Variants in AMBRA1 observed in about 807,000 individuals in gnomAD.
AMBRA1 encodes the protein autophagy and beclin 1 regulator 1, also known as activating molecule in BECN1-regulated autophagy protein 1.
AMBRA1 carries 47 observed loss-of-function variants against 125.4 expected under a neutral mutation model. The ratio of observed to expected loss-of-function variants is 0.37; its 90% CI spans 0.30 to 0.48. The LOEUF (loss-of-function observed/expected upper bound fraction) is 0.48, where lower values mean the gene tolerates loss of function less well. Ranked by LOEUF, AMBRA1 falls within the 20% of genes least tolerant of loss-of-function variation. The probability of loss-of-function intolerance (pLI) is 0.99; values close to 1 mark genes in which losing one functional copy is unlikely to be tolerated. For missense variants in AMBRA1, 1,331 were observed against 1,693.4 expected, an observed-to-expected ratio of 0.79 and a Z score of 3.76; for synonymous variants, 626 against 655.5, an observed-to-expected ratio of 0.95 and a Z score of 0.69.
chr11:46,440,477 G>T (rs1158675377), intron 12 of AMBRA1, among the ~76,000 whole-genome samples: 1 of 152,096 alleles, frequency 6.6e-6, no homozygotes, highest in Non-Finnish European at 1.5e-5. Context: ...GTAGGATTTG[G>T]GGGCTTCTTA....
chr11:46,474,531 G>A (rs1949734071), intron 11 of AMBRA1, among the ~76,000 whole-genome samples: 1 of 152,180 alleles, frequency 6.6e-6, no homozygotes, highest in Admixed American at 6.5e-5. Context: ...TGGGACTACA[G>A]GCACGTGACA....
In AMBRA1 at chr11:46,443,373, A is replaced by G. The variant is rs554843895; in HGVS notation, c.2632+115T>C. ...CAGAAGAGGTGCAGAAATGGCATGT[A>G]GATAACAACTGCTCAATAGGATGAT... is the stretch of plus-strand genomic sequence containing the variant. On this transcript the variant is annotated intron_variant, in intron 12 of 17. Transcript: ENST00000683756. 51 of 749,614 alleles carry G rather than the reference A, an allele frequency of 6.8e-5. No homozygotes were observed. In the African/African-American group the frequency reaches 7.3e-4, roughly 11 times the overall value. 46.4% of individuals were successfully genotyped at this position (749,614 alleles called of 1,614,324 possible).
Position 46,428,888 on chromosome 11 carries a change from T to C in AMBRA1, c.2976+4586A>G, listed in dbSNP as rs537872238. The C allele has an allele frequency of 1.2e-5, 19 of 1,611,790 alleles. No individual in the cohort carries two copies. The South Asian group carries it at 2.1e-4, about 18-fold the overall frequency. On this transcript the variant is annotated intron_variant, in intron 14 of 17. Transcript: ENST00000683756. ...ACGGCGTAGGATGGCAGGCACAATC[T>C]CTGGGGGCAGATGAAGGTAATCACG...
chr11:46,460,583 A>G (rs535630422), intron 11 of AMBRA1, among the ~76,000 whole-genome samples: 60 of 152,316 alleles, frequency 3.9e-4, no homozygotes, highest in African/African-American at 1.3e-3. Flanking sequence ...TCAGCCTCCC[A>G]AAGTGCTGGC....
intron 7 of AMBRA1, among the ~76,000 whole-genome samples, chr11:46,528,097 T>C (rs1952056629): frequency 6.6e-6 from 1 of 152,242 alleles, no homozygotes; most frequent in Non-Finnish European, 1.5e-5. Flanking sequence ...AAATGTGGTA[T>C]ATACATAGAA....
rs1946615942 is a variant in AMBRA1 at position 46,417,895 on chromosome 11, A to C, written c.3116+18T>G. Reference sequence around the variant, plus strand: ...CGGCCCCAGTGATCCCTCAACCCCCACACTTTAAGCCACTTACTCTGGTCG... The same window carrying C: ...CGGCCCCAGTGATCCCTCAACCCCCCCACTTTAAGCCACTTACTCTGGTCG... On this transcript the variant is annotated intron_variant, in intron 15 of 17. Coordinates refer to ENST00000683756, the MANE Select transcript of AMBRA1 (RefSeq NM_001387011.1). 1.3e-6 allele frequency: 2 copies of C among 1,593,574 alleles called. No homozygotes were observed. Among genetic ancestry groups the C allele is most frequent in the African/African-American group, 2.7e-5 (2 of 74,632 alleles).
chr11:46,444,444 C>T (rs1948176431), intron 11 of AMBRA1, among the ~76,000 whole-genome samples: 1 of 152,158 alleles, frequency 6.6e-6, no homozygotes, highest in Non-Finnish European at 1.5e-5. Flanking sequence ...TTTACATGAA[C>T]ATGTCATTTC....
intron 7 of AMBRA1, among the ~76,000 whole-genome samples, chr11:46,518,924 T>A (rs1951638309): frequency 6.6e-6 from 1 of 152,162 alleles, no homozygotes; most frequent in Non-Finnish European, 1.5e-5. Flanking sequence ...GTATTCTTGA[T>A]CACTAGGAAT....
intron 7 of AMBRA1, among the ~76,000 whole-genome samples, chr11:46,513,261 C>CTTTTTT: frequency 1.4e-5 from 2 of 142,976 alleles, no homozygotes; most frequent in African/African-American, 5.5e-5. Flanking sequence ...TGCCTACGCT[C>CTTTTTT]TTTTTTCTTT....
At chr11:46,467,579 C>T (rs1328276442) in intron 11 of AMBRA1, among the ~76,000 whole-genome samples, 4 of 144,452 alleles carry the variant, frequency 2.8e-5, no homozygotes, top group Admixed American at 7.0e-5. Context: ...GATGGAGTCT[C>T]ACTCTGTTGC....
At chr11:46,446,616 C>T (rs989815823) in intron 11 of AMBRA1, among the ~76,000 whole-genome samples, 1 of 152,156 alleles carries the variant, frequency 6.6e-6, no homozygotes, top group Non-Finnish European at 1.5e-5. Context: ...TTGTGCATCG[C>T]AGAACATTTA....
chr11:46,537,536 C>T (rs1952536059), intron 7 of AMBRA1, among the ~76,000 whole-genome samples: 1 of 152,118 alleles, frequency 6.6e-6, no homozygotes, highest in Admixed American at 6.6e-5. Context: ...GCCACAATAC[C>T]CTGATCTTCT....
At chr11:46,532,655 T>G (rs1304192968) in intron 7 of AMBRA1, among the ~76,000 whole-genome samples, 1 of 152,222 alleles carries the variant, frequency 6.6e-6, no homozygotes, top group Non-Finnish European at 1.5e-5. Context: ...CAGGCTGGTC[T>G]CAAACTCCTG....
chr11:46,530,235 C>A (rs916678090), intron 7 of AMBRA1, among the ~76,000 whole-genome samples: 18 of 152,194 alleles, frequency 1.2e-4, no homozygotes, highest in African/African-American at 2.4e-5. Context: ...CCAGAGCTGA[C>A]AGAAGCGATT....
At chr11:46,479,333 C>T (rs1949963017) in intron 11 of AMBRA1, among the ~76,000 whole-genome samples, 1 of 152,128 alleles carries the variant, frequency 6.6e-6, no homozygotes, top group African/African-American at 2.4e-5. Context: ...GTATCCATGG[C>T]CTTAGAGAGT....
chr11:46,429,198 G>A lies in AMBRA1; in HGVS notation c.2976+4276C>T, dbSNP rs7946071. ...TGGCTTCATCCTCCCCCTCTCCCTC[G>A]GACAATCTTCGCCTACCAGCGGCCC... is the stretch of plus-strand genomic sequence containing the variant. On this transcript the variant is annotated intron_variant, in intron 14 of 17. Coordinates refer to ENST00000683756, the MANE Select transcript of AMBRA1 (RefSeq NM_001387011.1). 3.7e-3 allele frequency: 5,463 copies of A among 1,458,422 alleles called. 192 individuals are homozygous for A. In the African/African-American group the frequency reaches 0.068, roughly 18 times the overall value. The allele number at this position is 1,458,422 out of a possible 1,614,324, so 90.3% of individuals were successfully genotyped here. A position where few individuals can be genotyped will look rare whatever the true frequency, so the allele number is the denominator to read the frequency against.
chr11:46,435,935 G>A (rs1947693987), intron 12 of AMBRA1, among the ~76,000 whole-genome samples: 1 of 152,220 alleles, frequency 6.6e-6, no homozygotes, highest in Admixed American at 6.5e-5. Flanking sequence ...TCCCTGCCAG[G>A]AAGAAGTGGC....
rs71038902 is a variant in AMBRA1, at chr11:46,428,592, C to CTTTT, written c.2976+4878_2976+4881dup. 7.3e-4 allele frequency: 695 copies of CTTTT among 955,430 alleles called. 2 individuals are homozygous for CTTTT. Among genetic ancestry groups the CTTTT allele is most frequent in the Non-Finnish European group, 9.9e-4 (619 of 627,612 alleles). The allele number at this position is 955,430 out of a possible 1,614,324, so 59.2% of individuals were successfully genotyped here. A position where few individuals can be genotyped will look rare whatever the true frequency, so the allele number is the denominator to read the frequency against. ...TTTTCCACTTCTTCTTCTTCTTCTT[C>CTTTT]TTTTTTTTTTAAGGTTTTTTGGCTA... On this transcript the variant is annotated intron_variant, in intron 14 of 17. Transcript: ENST00000683756.
chr11:46,591,164 A>G (rs577277199), intron 1 of AMBRA1: 1 of 152,316 alleles, frequency 6.6e-6, no homozygotes, highest in Non-Finnish European at 1.5e-5. Flanking sequence ...TTAGGAGCCA[A>G]TGAGATAGTC....
Sources: allele counts gnomAD v4.1 joint callset (sites outside exome capture counted in the v4.1 genomes callset), GRCh38; gene constraint gnomAD v4.1.1; transcripts MANE v1.5; gene names NCBI Gene and HGNC (gene_info 2026-07-23, HGNC 2026-07-21).